NOS1: variants seen among roughly 807,000 people sequenced by gnomAD.
NOS1 encodes nitric oxide synthase 1, also known as NOS type I.
A neutral mutation model predicts 164.5 loss-of-function variants in NOS1; 51 were observed. That is an observed-to-expected ratio of 0.31 (90% CI 0.25 to 0.39). The LOEUF is 0.39. Among genes scored for constraint, NOS1 ranks in the 10% least tolerant of loss-of-function variants. The pLI is 1.00. For synonymous variants in NOS1, 719 were observed against 745.8 expected, an observed-to-expected ratio of 0.96 and a Z score of 0.59; for missense variants, 1,362 against 1,885.6, an observed-to-expected ratio of 0.72 and a Z score of 5.14.
chr12:117,239,462 G>C (rs567024509), intron 20 of NOS1, among the ~76,000 whole-genome samples: 1 of 152,292 alleles, frequency 6.6e-6, no homozygotes, highest in East Asian at 1.9e-4. Flanking sequence ...ATTGTTGTAC[G>C]TGCATTAGAA....
chr12:117,300,538 C>T (rs904368377), intron 3 of NOS1, among the ~76,000 whole-genome samples: 5 of 151,954 alleles, frequency 3.3e-5, no homozygotes, highest in African/African-American at 1.2e-4. Flanking sequence ...ACTGAGCAGG[C>T]GATGGCTCAG....
intron 20 of NOS1, among the ~76,000 whole-genome samples, chr12:117,241,576 A>G (rs559129550): frequency 6.6e-6 from 1 of 151,866 alleles, no homozygotes; most frequent in East Asian, 2.0e-4. Flanking sequence ...ACTTGAAAAG[A>G]TCTTCTGCTG....
At chr12:117,233,097 T>C (rs1004213560) in intron 21 of NOS1, among the ~76,000 whole-genome samples, 2 of 142,082 alleles carry the variant, frequency 1.4e-5, no homozygotes, top group African/African-American at 5.3e-5. Context: ...TGGAGTGCAA[T>C]GGTGTGATGG....
At chr12:117,312,110 A>C (rs1874461403) in intron 2 of NOS1, among the ~76,000 whole-genome samples, 1 of 152,226 alleles carries the variant, frequency 6.6e-6, no homozygotes, top group Non-Finnish European at 1.5e-5. Context: ...CTCAGGACAA[A>C]CAGAATGATT....
At chr12:117,302,707 ACACCTGCAC>A (rs1873907180) in intron 3 of NOS1, among the ~76,000 whole-genome samples, 1 of 151,902 alleles carries the variant, frequency 6.6e-6, no homozygotes, top group Admixed American at 6.6e-5. Flanking sequence ...AAATGGCTAC[ACACCTGCAC>A]CGTGATATTG....
chr12:117,354,354 A>T (rs2136097010), intron 1 of NOS1, among the ~76,000 whole-genome samples: 1 of 152,340 alleles, frequency 6.6e-6, no homozygotes, highest in South Asian at 2.1e-4. Flanking sequence ...TTCAGTGACT[A>T]CCATGATATT....
chr12:117,234,619 G>A lies in NOS1; in HGVS notation c.3181C>T (p.Pro1061Ser). The A allele has an allele frequency of 6.2e-7, 1 of 1,614,130 alleles. No homozygotes were observed. Among genetic ancestry groups the A allele is most frequent in the Non-Finnish European group, 8.5e-7 (1 of 1,180,010 alleles). The change falls in exon 21 of 29, where the codon CCT becomes TCT. Residue 1061 changes from proline to serine, a missense_variant. Physicochemically the swap from Pro to Ser is moderately conservative, Grantham distance 74. Around this residue, in one of 4 missense-constraint regions of NOS1, gnomAD observed 737 missense variants for 1,030.3 expected, o/e 0.72. Coordinates refer to ENST00000317775, the MANE Select transcript of NOS1 (RefSeq NM_000620.5). The surrounding 1 kb of genome is among the most constrained non-coding windows in gnomAD (Gnocchi z 4.3). ...ALIERLEDAP[P>S]VNQMVKVELL... ...TCCACTTTCACCATCTGGTTGACAG[G>A]CGGCGCGTCCTCCAGCCGCTCGATC...
intron 2 of NOS1, among the ~76,000 whole-genome samples, chr12:117,325,742 G>A (rs543234508): frequency 7.2e-5 from 11 of 152,320 alleles, no homozygotes; most frequent in South Asian, 2.1e-4. Context: ...TCACCAAGGC[G>A]ACGCTGCTCA....
Position 117,234,846 on chromosome 12 carries a change from A to T in NOS1, c.3042-88T>A. ...TCTTCTGTCTGTCCTTGTTGGCTGC[A>T]ATTCTCCTCCTTCCATTCTTGTTGG... On this transcript the variant is annotated intron_variant, in intron 20 of 28. Coordinates refer to ENST00000317775, the MANE Select transcript of NOS1 (RefSeq NM_000620.5). The surrounding 1 kb of genome is among the most constrained non-coding windows in gnomAD (Gnocchi z 4.3). The T allele has an allele frequency of 2.7e-6, 3 of 1,125,786 alleles. No individual in the cohort carries two copies. The highest frequency in any genetic ancestry group is 4.9e-5 in the Admixed American group (2 of 40,788). 69.7% of individuals were successfully genotyped at this position (1,125,786 alleles called of 1,614,324 possible). A position where few individuals can be genotyped will look rare whatever the true frequency, so the allele number is the denominator to read the frequency against.
Position 117,212,532 on chromosome 12 carries a change from A to G in NOS1, c.*2777T>C, listed in dbSNP as rs1956544967. The G allele has an allele frequency of 1.0e-6, 1 of 985,286 alleles. No homozygotes were observed. Among genetic ancestry groups the G allele is most frequent in the African/African-American group, 1.7e-5 (1 of 57,238 alleles). 61.0% of individuals were successfully genotyped at this position (985,286 alleles called of 1,614,324 possible). On this transcript the variant is annotated 3_prime_UTR_variant, in exon 29 of 29. Transcript: ENST00000317775. ...ACTGGATGCATAGTGATGGCAGGTG[A>G]GCATGATGTTCCGGTGTTCCTATTT...
intron 1 of NOS1, among the ~76,000 whole-genome samples, chr12:117,358,332 G>A (rs3825106): frequency 0.076 from 8,571 of 112,170 alleles, 424 homozygotes; most frequent in South Asian, 0.23. Flanking sequence ...CAATACCCCC[G>A]CCCTCTCACT....
intron 18 of NOS1, among the ~76,000 whole-genome samples, chr12:117,246,894 T>C (rs545164421): frequency 1.4e-4 from 21 of 152,282 alleles, no homozygotes; most frequent in Admixed American, 4.6e-4. Flanking sequence ...TTTTAATTAG[T>C]TTAAGTTTAA....
chr12:117,353,425 C>T (rs1382733817), intron 1 of NOS1, among the ~76,000 whole-genome samples: 1 of 152,198 alleles, frequency 6.6e-6, no homozygotes, highest in East Asian at 1.9e-4. Context: ...AATTCTTAAG[C>T]ACACTTATCT....
chr12:117,226,652 G>A, intron 24 of NOS1, 31 bp downstream of exon 24: 1 of 1,596,604 alleles, frequency 6.3e-7, no homozygotes, highest in Non-Finnish European at 8.6e-7. Flanking sequence ...GATTTGAGAT[G>A]ATTGCTCATT....
At chr12:117,223,898 C>T (rs1868414844) in intron 25 of NOS1, among the ~76,000 whole-genome samples, 1 of 152,236 alleles carries the variant, frequency 6.6e-6, no homozygotes, top group African/African-American at 2.4e-5. Context: ...AAGTGATCCA[C>T]CTGCCTCAGC....
rs1460501269 is a variant in NOS1, at chr12:117,342,638, T to C, written c.-420-11149A>G. Among the ~76,000 whole-genome samples the C allele has an allele frequency of 2.0e-5, 3 of 152,086 alleles. No homozygotes were observed. In the East Asian group the frequency reaches 5.8e-4, roughly 29 times the overall value. ...TCATCAGGTCTCTTGAAAGGCAAGT[T>C]AACAATTTTGGACTTTATTCTTAGA... is the stretch of plus-strand genomic sequence containing the variant. On this transcript the variant is annotated intron_variant, in intron 1 of 28. Coordinates refer to ENST00000317775, the MANE Select transcript of NOS1 (RefSeq NM_000620.5).
chr12:117,309,446 G>C, intron 3 of NOS1: 1 of 914,486 alleles, frequency 1.1e-6, no homozygotes, highest in Non-Finnish European at 1.3e-6. Context: ...GCCTTGTTTA[G>C]GTGCGCTGGC....
Position 117,326,877 on chromosome 12 carries a change from A to C in NOS1, c.725+3468T>G, listed in dbSNP as rs994482757. Among the ~76,000 whole-genome samples, 127 of 152,306 alleles carry C rather than the reference A, an allele frequency of 8.3e-4. 1 individual carries two copies. Among genetic ancestry groups the C allele is most frequent in the Non-Finnish European group, 1.0e-3 (71 of 68,032 alleles). ...TCCTCCACATCACACCCAAGCCTAG[A>C]GTTCTGCACCAATCCTCGTGTCCCA... On this transcript the variant is annotated intron_variant, in intron 2 of 28. Coordinates refer to ENST00000317775, the MANE Select transcript of NOS1 (RefSeq NM_000620.5).
rs971692308 is a variant in NOS1, at chr12:117,218,024, C to T, written c.4289+22G>A. The stretch of plus-strand genomic sequence containing the variant: ...AAGAGAGGGCTCTTCCTGCCCCTCA[C>T]CCAGGGATGGAGCCAGCTTACTCAT... On this transcript the variant is annotated intron_variant, in intron 28 of 28. Transcript: ENST00000317775. The T allele has an allele frequency of 4.5e-6, 7 of 1,552,544 alleles. No individual in the cohort carries two copies. The Admixed American group carries it at 5.0e-5, about 11-fold the overall frequency.
Sources: allele counts gnomAD v4.1 joint callset (sites outside exome capture counted in the v4.1 genomes callset), GRCh38; gene constraint gnomAD v4.1.1; regional missense constraint gnomAD v4.1.1; non-coding constraint Gnocchi (gnomAD v3.1); transcripts MANE v1.5; gene names NCBI Gene and HGNC (gene_info 2026-07-23, HGNC 2026-07-21).